Variants in PPP2R2C observed in about 807,000 individuals in gnomAD.
PPP2R2C encodes protein phosphatase 2 regulatory subunit Bgamma.
PPP2R2C carries 10 observed loss-of-function variants against 45.3 expected under a neutral mutation model. The ratio of observed to expected loss-of-function variants is 0.22; its 90% CI spans 0.14 to 0.37. The LOEUF (loss-of-function observed/expected upper bound fraction) is 0.37, where lower values mean the gene tolerates loss of function less well. PPP2R2C is among the 10% of genes least tolerant of loss of function. The pLI, the probability that PPP2R2C is intolerant of heterozygous loss-of-function variation, is 1.00. For synonymous variants in PPP2R2C, 257 were observed against 245.4 expected, an observed-to-expected ratio of 1.05 and a Z score of -0.44; for missense variants, 308 against 619.7, an observed-to-expected ratio of 0.50 and a Z score of 5.34.
intron 1 of PPP2R2C, chr4:6,413,974 A>T (rs1718381356): frequency 6.5e-7 from 1 of 1,535,732 alleles, no homozygotes; most frequent in Non-Finnish European, 8.7e-7. Flanking sequence ...GTGGCTCTGC[A>T]GTTGGCTACT....
At chr4:6,498,968 C>G (rs1231684516) in intron 2 of PPP2R2C, among the ~76,000 whole-genome samples, 1 of 152,186 alleles carries the variant, frequency 6.6e-6, no homozygotes, top group Non-Finnish European at 1.5e-5. Context: ...CCCTCTCCCT[C>G]TCCCTCTGGA....
chr4:6,540,603 G>A (rs1469635249), intron 1 of PPP2R2C, among the ~76,000 whole-genome samples: 1 of 152,238 alleles, frequency 6.6e-6, no homozygotes, highest in Non-Finnish European at 1.5e-5. Context: ...GAGTAGAATT[G>A]CTGGGTCATG....
intron 1 of PPP2R2C, among the ~76,000 whole-genome samples, chr4:6,447,796 C>A (rs1310510009): frequency 6.6e-6 from 1 of 152,108 alleles, no homozygotes. Context: ...TCGGGGTCTC[C>A]GTTTTCTCCC....
At chr4:6,424,224 C>G (rs1002665869) in intron 1 of PPP2R2C, among the ~76,000 whole-genome samples, 2 of 152,236 alleles carry the variant, frequency 1.3e-5, no homozygotes, top group African/African-American at 4.8e-5. Context: ...ACTCTAGAGC[C>G]ATGTGCTTTC....
chr4:6,427,400 C>T (rs761067115), intron 1 of PPP2R2C, among the ~76,000 whole-genome samples: 10 of 152,314 alleles, frequency 6.6e-5, no homozygotes, highest in Middle Eastern at 3.4e-3. Flanking sequence ...GCCAGAGGCT[C>T]CCACGTGGGG....
intron 3 of PPP2R2C, among the ~76,000 whole-genome samples, chr4:6,377,305 G>T (rs1028939141): frequency 3.9e-5 from 6 of 152,294 alleles, no homozygotes; most frequent in Admixed American, 1.3e-4. Flanking sequence ...TGTCCACCCT[G>T]CTGGGGCTCA....
At chr4:6,468,525 G>T (rs951342922) in intron 1 of PPP2R2C, among the ~76,000 whole-genome samples, 4 of 152,138 alleles carry the variant, frequency 2.6e-5, no homozygotes, top group Non-Finnish European at 5.9e-5. Context: ...TGTGCCTCTG[G>T]CCTCAGCTGA....
intron 1 of PPP2R2C, among the ~76,000 whole-genome samples, chr4:6,466,827 G>C (rs1178992913): frequency 6.6e-6 from 1 of 152,204 alleles, no homozygotes; most frequent in Non-Finnish European, 1.5e-5. Context: ...GAAAGAAAAT[G>C]AGAAAAACCG....
intron 1 of PPP2R2C, among the ~76,000 whole-genome samples, chr4:6,400,777 AG>A: frequency 6.6e-6 from 1 of 152,380 alleles, no homozygotes; most frequent in South Asian, 2.1e-4. Context: ...GGAGAAGTTA[AG>A]GTTGGCCAAT....
chr4:6,480,907 G>A (rs1043312551), intron 2 of PPP2R2C, among the ~76,000 whole-genome samples: 1 of 152,196 alleles, frequency 6.6e-6, no homozygotes, highest in Non-Finnish European at 1.5e-5. Flanking sequence ...CTGATTCCTA[G>A]TGTTTGGGAA....
chr4:6,400,369 G>A (rs185307628), intron 1 of PPP2R2C, among the ~76,000 whole-genome samples: 12 of 152,158 alleles, frequency 7.9e-5, no homozygotes, highest in Non-Finnish European at 1.0e-4. Context: ...TATTATTTAC[G>A]TTAACATGTA....
In PPP2R2C at chr4:6,420,868, C is replaced by T. The variant is rs903928777; in HGVS notation, c.71-39774G>A. The T allele has an allele frequency of 1.0e-4, 94 of 911,954 alleles. 1 individual carries two copies. The highest frequency in any genetic ancestry group is 1.2e-4 in the Non-Finnish European group (91 of 762,688). The allele number at this position is 911,954 out of a possible 1,614,324, so 56.5% of individuals were successfully genotyped here. A position where few individuals can be genotyped will look rare whatever the true frequency, so the allele number is the denominator to read the frequency against. On this transcript the variant is annotated intron_variant, in intron 1 of 8. Transcript: ENST00000382599. ...GCCCAGGTCTGTGCTGGCACACACA[C>T]TTGTTGGATGTTACTGATGGGATGT...
At chr4:6,377,590 C>A (rs1178764546) in intron 3 of PPP2R2C, among the ~76,000 whole-genome samples, 3 of 152,078 alleles carry the variant, frequency 2.0e-5, no homozygotes, top group African/African-American at 7.2e-5. Flanking sequence ...ACCCGGGAGG[C>A]GGAGGTTGCC....
At chr4:6,409,784 G>A (rs1053986942) in intron 1 of PPP2R2C, among the ~76,000 whole-genome samples, 6 of 152,172 alleles carry the variant, frequency 3.9e-5, no homozygotes, top group Non-Finnish European at 7.3e-5. Context: ...GGAGAACTCA[G>A]GTCTCTGGCC....
At chr4:6,407,489 G>C (rs1436478087) in intron 1 of PPP2R2C, among the ~76,000 whole-genome samples, 1 of 152,192 alleles carries the variant, frequency 6.6e-6, no homozygotes, top group African/African-American at 2.4e-5. Context: ...TCGCCTGCTG[G>C]GTTCAAGCGA....
chr4:6,418,262 G>A (rs985047147), intron 1 of PPP2R2C, among the ~76,000 whole-genome samples: 3 of 152,134 alleles, frequency 2.0e-5, no homozygotes, highest in Non-Finnish European at 4.4e-5. Context: ...CTGTTGCCCA[G>A]GTGCCCTGGG....
upstream of PPP2R2C, among the ~76,000 whole-genome samples, chr4:6,474,103 C>T (rs1722049213): frequency 7.7e-6 from 1 of 129,232 alleles, no homozygotes; most frequent in Non-Finnish European, 1.6e-5. Context: ...TTCTTTGTCA[C>T]TTTCTACCCC....
Position 6,467,913 on chromosome 4 carries a change from A to T in PPP2R2C, c.70+4247T>A, listed in dbSNP as rs1230124843. On this transcript the variant is annotated intron_variant, in intron 1 of 8. Transcript: ENST00000382599. ...ACCACAAGGTTTCCCTGTTCCCATC[A>T]CAAGAGAGGGACCAACTACCTGTGG... is the stretch of plus-strand genomic sequence containing the variant. Among the ~76,000 whole-genome samples, 6 of 152,118 alleles carry T rather than the reference A, an allele frequency of 3.9e-5. No homozygotes were observed. In the East Asian group the frequency reaches 9.7e-4, roughly 24 times the overall value.
At chr4:6,503,971 C>T (rs930641955) in intron 2 of PPP2R2C, among the ~76,000 whole-genome samples, 9 of 152,180 alleles carry the variant, frequency 5.9e-5, no homozygotes, top group African/African-American at 2.2e-4. Context: ...CTGGAGGGGC[C>T]AACTCATGTA....
Sources: allele counts gnomAD v4.1 joint callset (sites outside exome capture counted in the v4.1 genomes callset), GRCh38; gene constraint gnomAD v4.1.1; transcripts MANE v1.5; gene names NCBI Gene and HGNC (gene_info 2026-07-23, HGNC 2026-07-21).